ACOXL: variants seen among roughly 807,000 people sequenced by gnomAD.
ACOXL encodes acyl-CoA oxidase like.
A neutral mutation model predicts 71.9 loss-of-function variants in ACOXL; 70 were observed. The ratio of observed to expected loss-of-function variants is 0.97; its 90% CI spans 0.80 to 1.19. The LOEUF (loss-of-function observed/expected upper bound fraction) is 1.19, where lower values mean the gene tolerates loss of function less well. ACOXL is among the 50% of genes most tolerant of loss of function. ACOXL has a pLI of 0.00. For synonymous variants in ACOXL, 253 were observed against 281.6 expected, an observed-to-expected ratio of 0.90 and a Z score of 1.02; for missense variants, 703 against 736.3, an observed-to-expected ratio of 0.95 and a Z score of 0.52.
intron 10 of ACOXL, among the ~76,000 whole-genome samples, chr2:110,899,591 C>T (rs752685252): frequency 3.3e-5 from 5 of 152,152 alleles, no homozygotes; most frequent in African/African-American, 7.2e-5. Flanking sequence ...GTGCTGATGA[C>T]GGAAGGTGTT....
chr2:110,985,891 G>C (rs1037032000), intron 12 of ACOXL, among the ~76,000 whole-genome samples: 5 of 152,168 alleles, frequency 3.3e-5, no homozygotes, highest in Non-Finnish European at 7.3e-5. Flanking sequence ...TGCCAATAAA[G>C]CTTCCCCAGG....
Position 111,031,646 on chromosome 2 carries a change from AT to A in ACOXL, c.1307del (p.Phe436SerfsTer24), listed in dbSNP as rs761069344. On this transcript the variant is annotated frameshift_variant, in exon 15 of 18. Coordinates refer to ENST00000439055, the MANE Select transcript of ACOXL (RefSeq NM_001142807.4). LOFTEE classifies it high-confidence loss of function. Reference protein sequence around the residue: ...IYYKVKTKKEDFFHAWNSCLH... With the variant: ...IYYKVKTKKEXFFHAWNSCLH... ...GGACAGGTAAAGACCAAGAAGGAGG[AT>A]TTTTTCCATGCCTGGAACTCGTGTC... The A allele has an allele frequency of 1.2e-6, 2 of 1,613,930 alleles. No homozygotes were observed. Among genetic ancestry groups the A allele is most frequent in the East Asian group, 2.2e-5 (1 of 44,878 alleles).
intron 10 of ACOXL, among the ~76,000 whole-genome samples, chr2:110,892,044 T>C (rs908723524): frequency 1.3e-5 from 2 of 152,184 alleles, no homozygotes; most frequent in African/African-American, 4.8e-5. Context: ...CCAGGCCATA[T>C]CTCTGCAAAT....
intron 12 of ACOXL, among the ~76,000 whole-genome samples, chr2:110,937,629 A>G (rs943741923): frequency 6.6e-6 from 1 of 152,214 alleles, no homozygotes; most frequent in Non-Finnish European, 1.5e-5. Flanking sequence ...TACATGCTGC[A>G]TCTTCAGGTT....
chr2:110,962,394 T>C (rs1338183023), intron 12 of ACOXL, among the ~76,000 whole-genome samples: 2 of 152,246 alleles, frequency 1.3e-5, no homozygotes, highest in African/African-American at 4.8e-5. Context: ...ATGTTACTGA[T>C]TTACTTACTC....
intron 10 of ACOXL, among the ~76,000 whole-genome samples, chr2:110,906,199 C>CA (rs995140627): frequency 2.0e-5 from 3 of 152,084 alleles, no homozygotes; most frequent in African/African-American, 7.2e-5. Flanking sequence ...GTGGCCAAGA[C>CA]AAAGAGTTCG....
At chr2:110,945,755 A>G (rs11677465) in intron 12 of ACOXL, among the ~76,000 whole-genome samples, 28,690 of 151,994 alleles carry the variant, frequency 0.19, 2,980 homozygotes, top group East Asian at 0.38. Flanking sequence ...GCCTTGTAGT[A>G]TCATTTGAAG....
intron 12 of ACOXL, among the ~76,000 whole-genome samples, chr2:110,938,790 C>G (rs1322505200): frequency 8.5e-5 from 13 of 152,068 alleles, no homozygotes; most frequent in Admixed American, 8.5e-4. Flanking sequence ...ATCCACAAAA[C>G]TTGGCCCCCT....
intron 10 of ACOXL, among the ~76,000 whole-genome samples, chr2:110,849,780 A>AC (rs57196449): frequency 1.9e-3 from 274 of 143,890 alleles, no homozygotes; most frequent in Middle Eastern, 7.0e-3. Flanking sequence ...AAACAAACAA[A>AC]AAACAGAACT....
At chr2:110,876,319 G>A (rs558056930) in intron 10 of ACOXL, among the ~76,000 whole-genome samples, 198 of 152,310 alleles carry the variant, frequency 1.3e-3, no homozygotes, top group Non-Finnish European at 1.5e-3. Flanking sequence ...CAGCCACGGT[G>A]CCAGGGAGGG....
chr2:111,078,275 T>C (rs1173971750), intron 16 of ACOXL, among the ~76,000 whole-genome samples: 1 of 152,022 alleles, frequency 6.6e-6, no homozygotes, highest in Non-Finnish European at 1.5e-5. Flanking sequence ...TCTTTCTTTC[T>C]TTTTTTTGAG....
chr2:110,739,789 G>C (rs1677290298), intron 1 of ACOXL, among the ~76,000 whole-genome samples: 1 of 152,206 alleles, frequency 6.6e-6, no homozygotes, highest in Non-Finnish European at 1.5e-5. Context: ...CAGCCCTGTA[G>C]ACTTAGCATC....
chr2:110,802,954 A>G (rs567814432), intron 8 of ACOXL, among the ~76,000 whole-genome samples: 8 of 152,228 alleles, frequency 5.3e-5, no homozygotes, highest in Non-Finnish European at 1.0e-4. Context: ...TTATTATACA[A>G]TATATAATGT....
At chr2:110,810,898 A>G (rs1687242127) in intron 9 of ACOXL, among the ~76,000 whole-genome samples, 2 of 152,214 alleles carry the variant, frequency 1.3e-5, no homozygotes, top group South Asian at 4.1e-4. Flanking sequence ...GGCAGAAGGG[A>G]AGCAAACACG....
chr2:110,733,355 G>A (rs1462968197), intron 1 of ACOXL, among the ~76,000 whole-genome samples: 1 of 152,150 alleles, frequency 6.6e-6, no homozygotes, highest in East Asian at 1.9e-4. Flanking sequence ...CCGATGCCAG[G>A]ACAGCCCTGA....
intron 10 of ACOXL, among the ~76,000 whole-genome samples, chr2:110,885,628 T>C (rs997674994): frequency 1.3e-5 from 2 of 152,230 alleles, no homozygotes; most frequent in Non-Finnish European, 2.9e-5. Flanking sequence ...AAGCCCATTA[T>C]CACAACATTA....
At chr2:111,033,753 T>C (rs953427077) in intron 15 of ACOXL, among the ~76,000 whole-genome samples, 1 of 152,200 alleles carries the variant, frequency 6.6e-6, no homozygotes, top group Non-Finnish European at 1.5e-5. Flanking sequence ...GTCTTGGGCC[T>C]TCTCATTCAC....
At chr2:110,741,066 A>G (rs955747703) in intron 1 of ACOXL, among the ~76,000 whole-genome samples, 1 of 152,182 alleles carries the variant, frequency 6.6e-6, no homozygotes, top group Non-Finnish European at 1.5e-5. Context: ...TAAAATATGT[A>G]AATATCCCAG....
chr2:110,968,395 A>G (rs1488717831), intron 12 of ACOXL: 1 of 1,154,420 alleles, frequency 8.7e-7, no homozygotes, highest in African/African-American at 1.5e-5. Context: ...TTCTGAAAGC[A>G]AGGAATTTAA....
Sources: gnomAD v4.1 joint callset for allele counts (sites outside exome capture counted in the v4.1 genomes callset) on GRCh38, gnomAD v4.1.1 for gene constraint, MANE v1.5 for transcripts, NCBI Gene and HGNC (gene_info 2026-07-23, HGNC 2026-07-21) for gene names.